FBXL2: variants seen among roughly 807,000 people sequenced by gnomAD.
FBXL2 encodes F-box/LRR-repeat protein 2.
A neutral mutation model predicts 69.2 loss-of-function variants in FBXL2; 38 were observed. The observed-to-expected ratio is 0.55, with a 90% CI of 0.42 to 0.72. The LOEUF is 0.72. Among genes scored for constraint, FBXL2 ranks in the 30% least tolerant of loss-of-function variants. The pLI, the probability that FBXL2 is intolerant of heterozygous loss-of-function variation, is 0.00. For missense variants in FBXL2, 354 were observed against 520.3 expected, an observed-to-expected ratio of 0.68 and a Z score of 3.11; for synonymous variants, 192 against 201.3, an observed-to-expected ratio of 0.95 and a Z score of 0.39.
intron 2 of FBXL2, among the ~76,000 whole-genome samples, chr3:33,335,025 TG>T (rs2039464344): frequency 6.6e-6 from 1 of 151,906 alleles, no homozygotes; most frequent in African/African-American, 2.4e-5. Context: ...CACTTGAGCC[TG>T]GGAAGCAGAG....
chr3:33,349,456 C>G (rs1026860509), intron 2 of FBXL2, among the ~76,000 whole-genome samples: 1 of 152,136 alleles, frequency 6.6e-6, no homozygotes, highest in Admixed American at 6.6e-5. Flanking sequence ...ATAACTCTCA[C>G]GTGTTCATGA....
chr3:33,320,152 A>G (rs1345136254), intron 2 of FBXL2, among the ~76,000 whole-genome samples: 1 of 152,214 alleles, frequency 6.6e-6, no homozygotes, highest in African/African-American at 2.4e-5. Context: ...AGTGATAGCC[A>G]AGATATTTTG....
intron 2 of FBXL2, among the ~76,000 whole-genome samples, chr3:33,329,209 A>G (rs971465357): frequency 1.3e-5 from 2 of 152,210 alleles, no homozygotes; most frequent in Admixed American, 6.5e-5. Context: ...TAAAATCTCA[A>G]TGAGGTATCA....
At chr3:33,350,495 C>T (rs1317333041) in intron 2 of FBXL2, among the ~76,000 whole-genome samples, 2 of 151,346 alleles carry the variant, frequency 1.3e-5, no homozygotes, top group African/African-American at 2.4e-5. Flanking sequence ...TGCAGTGGTG[C>T]AGTCTCTGCT....
intron 12 of FBXL2, chr3:33,396,974 A>G (rs752020699): frequency 7.0e-7 from 1 of 1,421,496 alleles, no homozygotes; most frequent in Middle Eastern, 1.8e-4. Flanking sequence ...GTGGAAACAC[A>G]TTCTGCCCAA....
At chr3:33,400,963 T>A in intron 12 of FBXL2, 1 of 1,593,546 alleles carries the variant, frequency 6.3e-7, no homozygotes, top group South Asian at 1.2e-5. Flanking sequence ...GATACTTACT[T>A]CACCAGAGGT....
chr3:33,339,818 G>A (rs1162281820), intron 2 of FBXL2, among the ~76,000 whole-genome samples: 1 of 152,136 alleles, frequency 6.6e-6, no homozygotes, highest in Non-Finnish European at 1.5e-5. Context: ...TCTACCAAAA[G>A]ATGTGCACAA....
chr3:33,391,317 A>G (rs1232736513), downstream of FBXL2: 1 of 152,248 alleles, frequency 6.6e-6, no homozygotes, highest in Non-Finnish European at 1.5e-5. Context: ...AAAACAGTCT[A>G]TGAATGTATG....
At chr3:33,414,052 A>G in the FBXL2 span, 1 of 152,204 alleles carries the variant, frequency 6.6e-6, no homozygotes, top group Non-Finnish European at 1.5e-5. Context: ...ATTAGACTTC[A>G]GAGCTTTACT....
chr3:33,372,643 C>T (rs1187588005), intron 5 of FBXL2: 6 of 188,602 alleles, frequency 3.2e-5, no homozygotes, highest in Non-Finnish European at 3.3e-5. Context: ...TTCTATCAAT[C>T]GCCAGAAATG....
At chr3:33,333,420 A>AG (rs2039325475) in intron 2 of FBXL2, among the ~76,000 whole-genome samples, 1 of 152,186 alleles carries the variant, frequency 6.6e-6, no homozygotes, top group Non-Finnish European at 1.5e-5. Flanking sequence ...ATATTAACAT[A>AG]AAATAGAACT....
intron 2 of FBXL2, among the ~76,000 whole-genome samples, chr3:33,333,177 C>T (rs2039305234): frequency 6.6e-6 from 1 of 152,032 alleles, no homozygotes; most frequent in Admixed American, 6.5e-5. Context: ...GGTTACACAA[C>T]ATTCTGAATG....
intron 12 of FBXL2, among the ~76,000 whole-genome samples, chr3:33,402,343 C>T (rs1171481926): frequency 2.6e-5 from 4 of 151,930 alleles, no homozygotes; most frequent in Non-Finnish European, 5.9e-5. Context: ...CTGTAGAAAC[C>T]GAAAGGTCTT....
At chr3:33,341,285 A>G (rs558993263) in intron 2 of FBXL2, among the ~76,000 whole-genome samples, 40 of 152,358 alleles carry the variant, frequency 2.6e-4, no homozygotes, top group Non-Finnish European at 4.0e-4. Flanking sequence ...GGTACAATTA[A>G]TAAAATCCAG....
the FBXL2 span, chr3:33,409,489 T>A: frequency 1.9e-6 from 3 of 1,614,046 alleles, no homozygotes; most frequent in Admixed American, 5.0e-5. Flanking sequence ...GTGTAGATGA[T>A]CTGTGTATTC....
At position 33,383,984 on chromosome 3, in the gene FBXL2, T is replaced by C; in HGVS notation, c.952-5T>C. On this transcript the variant is annotated splice_polypyrimidine_tract_variant and splice_region_variant and intron_variant, in intron 13 of 14. Coordinates refer to ENST00000484457, the MANE Select transcript of FBXL2 (RefSeq NM_012157.5). ...CAAACATTTACTCATGTCTTCCTGT[T>C]CCAGAGCCTGTCCCACTGTGAACTC... is the stretch of plus-strand genomic sequence containing the variant. 1 of 1,613,828 alleles carries C rather than the reference T, an allele frequency of 6.2e-7. No individual in the cohort carries two copies. The highest frequency in any genetic ancestry group is 8.5e-7 in the Non-Finnish European group (1 of 1,179,768).
At chr3:33,289,674 C>T (rs1206405884) in intron 1 of FBXL2, 1 of 814,610 alleles carries the variant, frequency 1.2e-6, no homozygotes, top group African/African-American at 1.9e-5. Flanking sequence ...CTGAGGAGTT[C>T]CAGCTACAGT....
At position 33,328,382 on chromosome 3, in the gene FBXL2, A is replaced by C. The variant is rs531066073; in HGVS notation, c.66-30585A>C. 3.2e-3 allele frequency among the ~76,000 whole-genome samples: 482 copies of C among 152,292 alleles called. 1 individual carries two copies. The highest frequency in any genetic ancestry group is 4.3e-3 in the Non-Finnish European group (294 of 68,010). ...TTTATATGGACCCACAAAAGACTCC[A>C]AATAGGCAAAACAATCCTGAGCAAA... is the stretch of plus-strand genomic sequence containing the variant. On this transcript the variant is annotated intron_variant, in intron 2 of 14. Transcript: ENST00000484457.
At chr3:33,284,440 A>G (rs2034381511) in intron 1 of FBXL2, among the ~76,000 whole-genome samples, 1 of 152,180 alleles carries the variant, frequency 6.6e-6, no homozygotes, top group Non-Finnish European at 1.5e-5. Context: ...GTTCTTTTAC[A>G]TTTGCTGAGG....
Sources: allele counts gnomAD v4.1 joint callset (sites outside exome capture counted in the v4.1 genomes callset), GRCh38; gene constraint gnomAD v4.1.1; transcripts MANE v1.5; gene names NCBI Gene and HGNC (gene_info 2026-07-23, HGNC 2026-07-21).